ZFAT: variants seen among roughly 807,000 people sequenced by gnomAD.
ZFAT encodes zinc finger and AT-hook domain containing.
ZFAT carries 64 observed loss-of-function variants against 117.7 expected under a neutral mutation model. That is an observed-to-expected ratio of 0.54 (90% confidence interval 0.44 to 0.67). The LOEUF is 0.67. Among genes scored for constraint, ZFAT ranks in the 30% least tolerant of loss-of-function variants. The probability of loss-of-function intolerance (pLI) is 0.00; values close to 1 mark genes in which losing one functional copy is unlikely to be tolerated. For missense variants in ZFAT, 1,433 were observed against 1,584.5 expected (o/e 0.90, Z 1.62); for synonymous variants, 679 against 615.0 (o/e 1.10, Z -1.54).
At chr8:134,818,387 G>C in the ZFAT span, among the ~76,000 whole-genome samples, 3 of 152,176 alleles carry the variant, frequency 2.0e-5, no homozygotes, top group Non-Finnish European at 4.4e-5. Flanking sequence ...ACCATCAGCA[G>C]TCATTAGAGA....
intron 5 of ZFAT, among the ~76,000 whole-genome samples, chr8:134,606,063 A>G (rs1827868451): frequency 6.6e-6 from 1 of 152,208 alleles, no homozygotes; most frequent in Non-Finnish European, 1.5e-5. Context: ...ACTAAGCAAG[A>G]GGGAGGAAAG....
At chr8:134,793,143 C>A in the ZFAT span, 1 of 152,132 alleles carries the variant, frequency 6.6e-6, no homozygotes, top group African/African-American at 2.4e-5. Context: ...CAATTTTATT[C>A]TTTCAGCAAA....
chr8:134,705,436 T>G (rs1834124785), intron 1 of ZFAT, among the ~76,000 whole-genome samples: 1 of 150,960 alleles, frequency 6.6e-6, no homozygotes, highest in Non-Finnish European at 1.5e-5. Flanking sequence ...AGGATAATCT[T>G]GAACTCCTGT....
intron 2 of ZFAT, among the ~76,000 whole-genome samples, chr8:134,643,478 C>G (rs868575530): frequency 5.9e-5 from 9 of 152,328 alleles, no homozygotes; most frequent in African/African-American, 1.9e-4. Context: ...GTCTAACAGG[C>G]AGTCACTATG....
At chr8:134,527,416 C>A (rs1821104411) in intron 12 of ZFAT, among the ~76,000 whole-genome samples, 3 of 152,136 alleles carry the variant, frequency 2.0e-5, no homozygotes, top group Admixed American at 6.5e-5. Context: ...CGGATAAGGA[C>A]AAGGAACAAA....
At chr8:134,617,760 C>G (rs1828847174) in intron 3 of ZFAT, among the ~76,000 whole-genome samples, 1 of 152,226 alleles carries the variant, frequency 6.6e-6, no homozygotes, top group African/African-American at 2.4e-5. Context: ...TGCACATGCA[C>G]AAAAGCCCTC....
chr8:134,831,282 G>T, the ZFAT span, among the ~76,000 whole-genome samples: 1 of 152,184 alleles, frequency 6.6e-6, no homozygotes, highest in Non-Finnish European at 1.5e-5. Context: ...AGTTGTGTGT[G>T]TACAGGATTA....
intron 3 of ZFAT, among the ~76,000 whole-genome samples, chr8:134,611,190 G>C (rs898596606): frequency 6.6e-6 from 1 of 152,228 alleles, no homozygotes. Context: ...CGAATGAAAT[G>C]AGCAAGGGTC....
chr8:134,736,520 G>T, the ZFAT span, among the ~76,000 whole-genome samples: 2 of 152,090 alleles, frequency 1.3e-5, no homozygotes, highest in African/African-American at 4.8e-5. Context: ...CCACACAGCC[G>T]CACAGAGCAA....
At chr8:134,812,533 C>T in the ZFAT span, among the ~76,000 whole-genome samples, 1 of 152,164 alleles carries the variant, frequency 6.6e-6, no homozygotes, top group Non-Finnish European at 1.5e-5. Flanking sequence ...GAGTTCGAGA[C>T]CAGCCTGCCT....
chr8:134,712,538 G>A (rs2131374733), intron 1 of ZFAT, among the ~76,000 whole-genome samples: 1 of 152,170 alleles, frequency 6.6e-6, no homozygotes, highest in South Asian at 2.1e-4. Flanking sequence ...CGCGCCCACT[G>A]CGTTCCGTCG....
At chr8:134,624,245 CCTTA>C (rs1346605859) in intron 3 of ZFAT, among the ~76,000 whole-genome samples, 1 of 151,896 alleles carries the variant, frequency 6.6e-6, no homozygotes, top group Admixed American at 6.6e-5. Context: ...GCTTCCCACA[CCTTA>C]CTAAGAAAAA....
the ZFAT span, among the ~76,000 whole-genome samples, chr8:134,745,250 G>A: frequency 6.6e-6 from 1 of 152,188 alleles, no homozygotes; most frequent in Non-Finnish European, 1.5e-5. Context: ...CTGGAATTCT[G>A]TCTACCACGG....
At chr8:134,496,866 T>C (rs1048733919) in intron 15 of ZFAT, among the ~76,000 whole-genome samples, 10 of 152,208 alleles carry the variant, frequency 6.6e-5, no homozygotes, top group Admixed American at 2.6e-4. Flanking sequence ...TCTGAAAATA[T>C]TCCCTTCCTA....
intron 3 of ZFAT, among the ~76,000 whole-genome samples, chr8:134,623,957 C>T (rs1443517168): frequency 6.6e-6 from 1 of 152,146 alleles, no homozygotes; most frequent in African/African-American, 2.4e-5. Flanking sequence ...GTTCCCCACA[C>T]TTATCTCAGA....
intron 1 of ZFAT, among the ~76,000 whole-genome samples, chr8:134,703,449 G>T (rs1834068983): frequency 6.6e-6 from 1 of 152,210 alleles, no homozygotes; most frequent in African/African-American, 2.4e-5. Context: ...GAGTAGTGCT[G>T]TGTGGCCACC....
intron 3 of ZFAT, 110 bp downstream of exon 3, chr8:134,637,351 T>A (rs1830279284): frequency 2.2e-6 from 3 of 1,376,538 alleles, no homozygotes; most frequent in Non-Finnish European, 3.0e-6. Flanking sequence ...GGGTGAGAGC[T>A]GAATAAATAT....
intron 5 of ZFAT, among the ~76,000 whole-genome samples, chr8:134,605,590 T>G (rs1051200021): frequency 6.6e-6 from 1 of 151,788 alleles, no homozygotes; most frequent in African/African-American, 2.4e-5. Context: ...CAGCAGAACT[T>G]TAAGAGGTCC....
intron 1 of ZFAT, among the ~76,000 whole-genome samples, chr8:134,680,349 G>A (rs1195152613): frequency 6.6e-6 from 1 of 151,808 alleles, no homozygotes; most frequent in African/African-American, 2.4e-5. Flanking sequence ...TTTGGCTAGA[G>A]CATAATAATT....
Sources: gnomAD v4.1 joint callset for allele counts (sites outside exome capture counted in the v4.1 genomes callset) on GRCh38, gnomAD v4.1.1 for gene constraint, MANE v1.5 for transcripts, NCBI Gene and HGNC (gene_info 2026-07-23, HGNC 2026-07-21) for gene names.